BTD: variants seen among roughly 807,000 people sequenced by gnomAD.
BTD encodes the protein biotinidase, also known as biocytinase.
A neutral mutation model predicts 17.7 loss-of-function variants in BTD; 13 were observed. The ratio of observed to expected loss-of-function variants is 0.74; its 90% CI spans 0.48 to 1.17. The LOEUF (loss-of-function observed/expected upper bound fraction) is 1.17, where lower values mean the gene tolerates loss of function less well. Among genes scored for constraint, BTD ranks in the 50% most tolerant of loss-of-function variants. The probability of loss-of-function intolerance (pLI) is 0.00; values close to 1 mark genes in which losing one functional copy is unlikely to be tolerated. For missense variants in BTD, 674 were observed against 650.4 expected (o/e 1.04, Z -0.39); for synonymous variants, 240 against 245.2 (o/e 0.98, Z 0.20).
chr3:15,612,746 G>A (rs572135741), intron 1 of BTD, among the ~76,000 whole-genome samples: 3 of 148,102 alleles, frequency 2.0e-5, no homozygotes, highest in South Asian at 2.1e-4. Flanking sequence ...TTTACCCTAC[G>A]ACCTATTCAG....
At chr3:15,610,376 T>C (rs2064581996) in intron 1 of BTD, among the ~76,000 whole-genome samples, 1 of 152,334 alleles carries the variant, frequency 6.6e-6, no homozygotes, top group Non-Finnish European at 1.5e-5. Flanking sequence ...TAACATCTCA[T>C]TAGCCAAAGC....
At chr3:15,698,860 T>G (rs367726041) in intron 3 of BTD, among the ~76,000 whole-genome samples, 1 of 152,278 alleles carries the variant, frequency 6.6e-6, no homozygotes, top group East Asian at 1.9e-4. Flanking sequence ...AAGCTACCAA[T>G]GACTTTCTTC....
intron 3 of BTD, chr3:15,667,805 G>C (rs944866914): frequency 1.3e-5 from 2 of 152,208 alleles, no homozygotes; most frequent in African/African-American, 2.4e-5. Flanking sequence ...TTTGGTAACA[G>C]CATCATTTAC....
chr3:15,715,889 CA>C (rs1207741098), downstream of BTD, among the ~76,000 whole-genome samples: 1 of 151,756 alleles, frequency 6.6e-6, no homozygotes, highest in African/African-American at 2.4e-5. Flanking sequence ...AAAAAAAGGG[CA>C]AAAAAGCATC....
In BTD at chr3:15,651,518, C is replaced by T. The variant is rs879664482; in HGVS notation, c.*6030C>T. Among the ~76,000 whole-genome samples, 1 of 152,202 alleles carries T rather than the reference C, an allele frequency of 6.6e-6. No homozygotes were observed. The highest frequency in any genetic ancestry group is 2.4e-5 in the African/African-American group (1 of 41,436). On this transcript the variant is annotated 3_prime_UTR_variant, in exon 4 of 4. Coordinates refer to ENST00000643237, the MANE Select transcript of BTD (RefSeq NM_001370658.1). Reference sequence around the variant, plus strand: ...GGTTACCAGAAGCAGGAGAGGGAAGCTTATGGAGAGAGCAGGCTGGCGGGA... The same window carrying T: ...GGTTACCAGAAGCAGGAGAGGGAAGTTTATGGAGAGAGCAGGCTGGCGGGA...
chr3:15,612,339 C>G (rs896325490), intron 1 of BTD, among the ~76,000 whole-genome samples: 2 of 152,030 alleles, frequency 1.3e-5, no homozygotes, highest in Non-Finnish European at 2.9e-5. Flanking sequence ...TATTTTCATA[C>G]CTATTATCTG....
rs1233840906 is a variant in BTD at position 15,645,701 on chromosome 3, G to A, written c.*213G>A. The A allele has an allele frequency of 5.3e-6, 3 of 564,516 alleles. No homozygotes were observed. Among genetic ancestry groups the A allele is most frequent in the Non-Finnish European group, 3.1e-6 (1 of 320,068 alleles). The allele number at this position is 564,516 out of a possible 1,614,324, so 35.0% of individuals were successfully genotyped here. On this transcript the variant is annotated 3_prime_UTR_variant, in exon 4 of 4. Coordinates refer to ENST00000643237, the MANE Select transcript of BTD (RefSeq NM_001370658.1). ...ACCTCAATCATCGAGACATTAGGGG[G>A]TATTTTCTGTTCACATTTATCTTTT...
In BTD at chr3:15,635,656, T is replaced by TC; in HGVS notation, c.217_218insC (p.Tyr73SerfsTer2). ...GCTCATGAACCAGAACCTTGACATC[T>TC]ATGAACAGCAAGTGATGACTGCAGC... On this transcript the variant is annotated frameshift_variant, in exon 2 of 4. Transcript: ENST00000643237. LOFTEE classifies it high-confidence loss of function. The surrounding 1 kb of genome is among the most constrained non-coding windows in gnomAD (Gnocchi z 4.1). 1.2e-6 allele frequency: 2 copies of TC among 1,614,224 alleles called. No individual in the cohort carries two copies. The highest frequency in any genetic ancestry group is 1.7e-6 in the Non-Finnish European group (2 of 1,180,040).
chr3:15,689,833 A>G (rs1353702922), intron 3 of BTD: 2 of 584,994 alleles, frequency 3.4e-6, no homozygotes, highest in Non-Finnish European at 5.9e-6. Context: ...TTTATGAATG[A>G]CGGAGGCTTT....
At chr3:15,655,020 A>C (rs751871197), downstream of BTD, among the ~76,000 whole-genome samples, 5 of 152,192 alleles carry the variant, frequency 3.3e-5, no homozygotes, top group Non-Finnish European at 5.9e-5. Context: ...GGCATGAGCC[A>C]CCGCGCCCGG....
At chr3:15,714,532 GA>G (rs5846873), downstream of BTD, 8,285 of 1,080,706 alleles carry the variant, frequency 7.7e-3, no homozygotes, top group East Asian at 0.021. Flanking sequence ...CTACATTTAA[GA>G]AAAAAAAAAA....
Position 15,602,007 on chromosome 3 carries a change from G to T in BTD, c.-17+113G>T. On this transcript the variant is annotated intron_variant, in intron 1 of 3. Transcript: ENST00000643237. Reference sequence around the variant, plus strand: ...GAGGGCTGCGCAAAGGCTGCCGGGAGCTGGGAAGCCCGGCGCGCGTCGTTT... The same window carrying T: ...GAGGGCTGCGCAAAGGCTGCCGGGATCTGGGAAGCCCGGCGCGCGTCGTTT... The T allele has an allele frequency of 2.0e-6, 3 of 1,530,226 alleles. No individual in the cohort carries two copies. The South Asian group carries it at 3.6e-5, about 19-fold the overall frequency. The allele number at this position is 1,530,226 out of a possible 1,614,324, so 94.8% of individuals were successfully genotyped here.
At position 15,644,995 on chromosome 3, in the gene BTD, G is replaced by C. The variant is rs968754573; in HGVS notation, c.1079G>C (p.Cys360Ser). Residue 360 changes from cysteine to serine, a missense_variant, in exon 4 of 4, where the codon TGT (cysteine) becomes TCT (serine). By Grantham distance (112) the Cys-to-Ser change is moderately radical (BLOSUM62 -1). Coordinates refer to ENST00000643237, the MANE Select transcript of BTD (RefSeq NM_001370658.1). Reference sequence around the variant, plus strand: ...GAGAAGGATGCTCAGGAAGTCCACTGTGATGAGGCCACCAAGTGGAACGTG... The same window carrying C: ...GAGAAGGATGCTCAGGAAGTCCACTCTGATGAGGCCACCAAGTGGAACGTG... ...YCEKDAQEVH[C>S]DEATKWNVNA... 1 of 1,614,240 alleles carries C rather than the reference G, an allele frequency of 6.2e-7. No individual in the cohort carries two copies. The highest frequency in any genetic ancestry group is 8.5e-7 in the Non-Finnish European group (1 of 1,180,048).
At chr3:15,640,097 C>G (rs183449317) in intron 2 of BTD, among the ~76,000 whole-genome samples, 4 of 152,298 alleles carry the variant, frequency 2.6e-5, no homozygotes, top group East Asian at 1.9e-4. Flanking sequence ...GACCAAGACT[C>G]TCTCTCAAAA....
intron 3 of BTD, among the ~76,000 whole-genome samples, chr3:15,643,069 C>G (rs1335543507): frequency 6.6e-6 from 1 of 151,460 alleles, no homozygotes; most frequent in Non-Finnish European, 1.5e-5. Flanking sequence ...GAAATGGAAT[C>G]CCTCAAAGGA....
chr3:15,633,433 T>C (rs986390586), intron 1 of BTD, among the ~76,000 whole-genome samples: 1 of 152,238 alleles, frequency 6.6e-6, no homozygotes, highest in Admixed American at 6.5e-5. Context: ...CTTAGAGCTC[T>C]CCTACCGGGC....
At chr3:15,602,992 T>C (rs1203294491) in intron 1 of BTD, among the ~76,000 whole-genome samples, 4 of 152,186 alleles carry the variant, frequency 2.6e-5, no homozygotes, top group Admixed American at 2.0e-4. Context: ...TCTTACATGG[T>C]GGCAGGCAAG....
At position 15,649,889 on chromosome 3, in the gene BTD, G is replaced by C. The variant is rs1043687615; in HGVS notation, c.*4401G>C. On this transcript the variant is annotated 3_prime_UTR_variant, in exon 4 of 4. Coordinates refer to ENST00000643237, the MANE Select transcript of BTD (RefSeq NM_001370658.1). ...TAGTAGTGAGTGACAGCTCTGTGCT[G>C]GATGCACATAAATGGTCTCCCTTAA... 1.3e-5 allele frequency among the ~76,000 whole-genome samples: 2 copies of C among 152,206 alleles called. No homozygotes were observed. The highest frequency in any genetic ancestry group is 2.9e-5 in the Non-Finnish European group (2 of 68,040).
chr3:15,616,380 C>T (rs1301583211), intron 1 of BTD, among the ~76,000 whole-genome samples: 1 of 152,064 alleles, frequency 6.6e-6, no homozygotes, highest in Non-Finnish European at 1.5e-5. Context: ...TTTTGGGAGG[C>T]CGAGGTGGGT....
Sources: gnomAD v4.1 joint callset for allele counts (sites outside exome capture counted in the v4.1 genomes callset) on GRCh38, gnomAD v4.1.1 for gene constraint, Gnocchi (gnomAD v3.1) non-coding constraint, MANE v1.5 for transcripts, NCBI Gene and HGNC (gene_info 2026-07-23, HGNC 2026-07-21) for gene names.